Variants in ARHGAP26 observed in about 807,000 individuals in gnomAD.
The protein encoded by ARHGAP26 is Rho GTPase activating protein 26.
A neutral mutation model predicts 104.8 loss-of-function variants in ARHGAP26; 38 were observed. That is an observed-to-expected ratio of 0.36 (90% CI 0.28 to 0.48). ARHGAP26 has a LOEUF of 0.48. Ranked by LOEUF, ARHGAP26 falls within the 20% of genes least tolerant of loss-of-function variation. ARHGAP26 has a pLI of 0.99. For missense variants in ARHGAP26, 704 were observed against 947.9 expected (o/e 0.74, Z 3.38); for synonymous variants, 341 against 340.0 (o/e 1.00, Z -0.03).
At chr5:143,133,909 C>A in intron 18 of ARHGAP26, 58 bp from the exon 19 acceptor site, 1 of 1,527,186 alleles carries the variant, frequency 6.5e-7, no homozygotes, top group South Asian at 1.3e-5. Context: ...CTGCTTCAGG[C>A]CTGTTTTCTT....
At chr5:143,051,894 T>C (rs1189765104) in intron 14 of ARHGAP26, among the ~76,000 whole-genome samples, 2 of 152,176 alleles carry the variant, frequency 1.3e-5, no homozygotes, top group African/African-American at 4.8e-5. Context: ...TGGTTTCTTC[T>C]TTAGAAAAAT....
At chr5:142,873,329 A>G (rs752795162) in intron 1 of ARHGAP26, 71 bp from the exon 2 acceptor site, 25 of 1,157,510 alleles carry the variant, frequency 2.2e-5, no homozygotes, top group Non-Finnish European at 2.9e-5. Flanking sequence ...AGAAGGACCA[A>G]TAAGGGCAGC....
At position 142,913,056 on chromosome 5, in the gene ARHGAP26, A is replaced by G. The variant is rs1322941850; in HGVS notation, c.934-143A>G. The G allele has an allele frequency of 9.7e-6, 7 of 722,684 alleles. No individual in the cohort carries two copies. In the Admixed American group the frequency reaches 1.5e-4, roughly 15 times the overall value. 44.8% of individuals were successfully genotyped at this position (722,684 alleles called of 1,614,324 possible). ...GAGGCTTTGTCCTGGAAAGGTTTAT[A>G]GTCACCCTTCCACTGCCCATGGTCA... On this transcript the variant is annotated intron_variant, in intron 9 of 22. Transcript: ENST00000645722.
intron 1 of ARHGAP26, among the ~76,000 whole-genome samples, chr5:142,870,558 C>G (rs1050630324): frequency 1.3e-5 from 2 of 152,210 alleles, no homozygotes; most frequent in Non-Finnish European, 2.9e-5. Context: ...GAGCTCCAAA[C>G]AGTTATTCAT....
intron 11 of ARHGAP26, among the ~76,000 whole-genome samples, chr5:142,942,336 G>T (rs947783690): frequency 6.6e-6 from 1 of 151,978 alleles, no homozygotes; most frequent in Non-Finnish European, 1.5e-5. Context: ...TAAAATACAT[G>T]GTTACAAAAG....
chr5:143,036,158 C>T (rs548086921), intron 12 of ARHGAP26, among the ~76,000 whole-genome samples: 5 of 152,212 alleles, frequency 3.3e-5, no homozygotes, highest in Admixed American at 6.5e-5. Context: ...CTGAGATGAC[C>T]GCAAATCATC....
chr5:143,058,997 G>A (rs1205795460), intron 17 of ARHGAP26, among the ~76,000 whole-genome samples: 4 of 152,190 alleles, frequency 2.6e-5, no homozygotes, highest in Admixed American at 6.5e-5. Context: ...AAAGAATCCC[G>A]ATGAAGCATG....
chr5:143,221,383 A>G (rs908880524), intron 22 of ARHGAP26, among the ~76,000 whole-genome samples: 1 of 151,030 alleles, frequency 6.6e-6, no homozygotes, highest in African/African-American at 2.4e-5. Flanking sequence ...TGAGTGAAAC[A>G]GAGAAATGGC....
intron 1 of ARHGAP26, among the ~76,000 whole-genome samples, chr5:142,823,704 T>C (rs1766659716): frequency 6.6e-6 from 1 of 152,236 alleles, no homozygotes; most frequent in South Asian, 2.1e-4. Context: ...TAAAAATCAG[T>C]GTCCTGCTGT....
chr5:142,856,069 C>T (rs1268046689), intron 1 of ARHGAP26, among the ~76,000 whole-genome samples: 1 of 152,186 alleles, frequency 6.6e-6, no homozygotes, highest in Non-Finnish European at 1.5e-5. Context: ...TTATTGTGTT[C>T]GCCATCTGTT....
At chr5:142,772,143 G>T (rs1423670923) in intron 1 of ARHGAP26, among the ~76,000 whole-genome samples, 1 of 152,242 alleles carries the variant, frequency 6.6e-6, no homozygotes, top group Non-Finnish European at 1.5e-5. Context: ...ACTTACAAAA[G>T]TCAGGTGCCT....
At chr5:143,138,897 T>A (rs1209353530) in intron 19 of ARHGAP26, among the ~76,000 whole-genome samples, 4 of 152,180 alleles carry the variant, frequency 2.6e-5, no homozygotes. Flanking sequence ...GGCAACAACG[T>A]AGATTTGAAC....
intron 11 of ARHGAP26, among the ~76,000 whole-genome samples, chr5:142,933,771 C>T (rs1442665413): frequency 6.6e-6 from 1 of 152,094 alleles, no homozygotes; most frequent in Non-Finnish European, 1.5e-5. Flanking sequence ...CTGCCAGGAC[C>T]CTGGACATGT....
At chr5:143,030,139 G>A (rs1173541252) in intron 12 of ARHGAP26, among the ~76,000 whole-genome samples, 1 of 152,224 alleles carries the variant, frequency 6.6e-6, no homozygotes, top group Admixed American at 6.5e-5. Flanking sequence ...AATACTGAAG[G>A]TTGGAGTTGA....
intron 20 of ARHGAP26, among the ~76,000 whole-genome samples, chr5:143,176,903 C>T (rs190371404): frequency 2.5e-3 from 374 of 152,292 alleles, no homozygotes; most frequent in African/African-American, 8.0e-3. Context: ...AAGAGAATTA[C>T]GTATTGCAAG....
intron 20 of ARHGAP26, among the ~76,000 whole-genome samples, chr5:143,178,986 C>T (rs750429126): frequency 3.0e-4 from 46 of 152,192 alleles, no homozygotes; most frequent in Non-Finnish European, 5.4e-4. Context: ...TCTCCTGCTT[C>T]AGCCTCCCAA....
intron 11 of ARHGAP26, among the ~76,000 whole-genome samples, chr5:142,958,281 A>G (rs1285057352): frequency 2.6e-5 from 4 of 152,230 alleles, no homozygotes; most frequent in Non-Finnish European, 5.9e-5. Context: ...ATATTTAGTT[A>G]ATTTCAAGAT....
At chr5:143,176,803 A>G (rs113366325) in intron 20 of ARHGAP26, among the ~76,000 whole-genome samples, 1,535 of 152,306 alleles carry the variant, frequency 0.01, 27 homozygotes, top group African/African-American at 0.035. Flanking sequence ...TTTCCACCAT[A>G]AAAGAGACTC....
chr5:142,930,557 CT>C (rs1408576562), intron 10 of ARHGAP26, among the ~76,000 whole-genome samples: 2 of 152,114 alleles, frequency 1.3e-5, no homozygotes, highest in African/African-American at 4.8e-5. Context: ...AACACGCCCA[CT>C]CATCTAGCTG....
Sources: gnomAD v4.1 joint callset for allele counts (sites outside exome capture counted in the v4.1 genomes callset) on GRCh38, gnomAD v4.1.1 for gene constraint, MANE v1.5 for transcripts, NCBI Gene and HGNC (gene_info 2026-07-23, HGNC 2026-07-21) for gene names.